Variants in CORO1C observed in about 807,000 individuals in gnomAD.
CORO1C encodes the protein coronin 1C, also known as coronin-1C.
A neutral mutation model predicts 51.2 loss-of-function variants in CORO1C; 14 were observed. The observed-to-expected ratio is 0.27, with a 90% CI of 0.18 to 0.43. The LOEUF is 0.43. Among genes scored for constraint, CORO1C ranks in the 20% least tolerant of loss-of-function variants. The pLI, the probability that CORO1C is intolerant of heterozygous loss-of-function variation, is 1.00. For missense variants in CORO1C, 417 were observed against 607.8 expected (o/e 0.69, Z 3.30); for synonymous variants, 181 against 210.5 (o/e 0.86, Z 1.21).
chr12:108,686,465 G>A (rs2034299711), intron 2 of CORO1C, among the ~76,000 whole-genome samples: 1 of 152,196 alleles, frequency 6.6e-6, no homozygotes, highest in Non-Finnish European at 1.5e-5. Context: ...TTTACTAACA[G>A]ATCAGTCCAC....
chr12:108,674,233 T>C (rs1292948773), intron 3 of CORO1C, among the ~76,000 whole-genome samples: 1 of 152,222 alleles, frequency 6.6e-6, no homozygotes, highest in Middle Eastern at 3.2e-3. Flanking sequence ...CTACCACTGA[T>C]AGTGATTCCC....
chr12:108,649,065 A>T (rs1343049846), intron 8 of CORO1C, 45 bp from the exon 9 acceptor site: 1 of 1,594,382 alleles, frequency 6.3e-7, no homozygotes, highest in Non-Finnish European at 8.6e-7. Flanking sequence ...GTGAAATATG[A>T]GGCTGACTAA....
At chr12:108,682,243 T>A (rs1191367624) in intron 2 of CORO1C, among the ~76,000 whole-genome samples, 2 of 152,212 alleles carry the variant, frequency 1.3e-5, no homozygotes, top group Non-Finnish European at 2.9e-5. Flanking sequence ...AAACCAACTA[T>A]AAATCATGAT....
intron 8 of CORO1C, chr12:108,652,055 C>CTTTTT (rs202228272): frequency 0.13 from 18,140 of 142,184 alleles, 2,061 homozygotes; most frequent in African/African-American, 0.3. Flanking sequence ...TTTTTCTTTT[C>CTTTTT]TTTTTTTTTT....
intron 1 of CORO1C, among the ~76,000 whole-genome samples, chr12:108,726,572 G>A (rs1349920652): frequency 1.3e-5 from 2 of 151,628 alleles, no homozygotes; most frequent in Non-Finnish European, 2.9e-5. Flanking sequence ...CACTTTCGGA[G>A]GCTAAGGTAG....
chr12:108,697,721 C>T (rs561619934), intron 2 of CORO1C, among the ~76,000 whole-genome samples: 2 of 152,248 alleles, frequency 1.3e-5, no homozygotes, highest in East Asian at 3.9e-4. Flanking sequence ...GAGACAAACA[C>T]CTCAGTACCA....
chr12:108,700,292 T>C (rs2034826276), intron 2 of CORO1C, among the ~76,000 whole-genome samples: 1 of 152,190 alleles, frequency 6.6e-6, no homozygotes, highest in Non-Finnish European at 1.5e-5. Context: ...AAAAGCTAAC[T>C]AGAAAACAAC....
chr12:108,721,226 CT>C (rs1196123693), intron 1 of CORO1C, among the ~76,000 whole-genome samples: 2 of 152,244 alleles, frequency 1.3e-5, no homozygotes, highest in African/African-American at 4.8e-5. Context: ...ACATTTTACT[CT>C]AACATATTGT....
intron 2 of CORO1C, among the ~76,000 whole-genome samples, chr12:108,698,648 C>A (rs1211395693): frequency 6.6e-6 from 1 of 152,212 alleles, no homozygotes; most frequent in Non-Finnish European, 1.5e-5. Flanking sequence ...CTCAGGTGAT[C>A]CGCCCGCCTC....
chr12:108,661,910 G>T (rs764487148), intron 4 of CORO1C, 119 bp downstream of exon 4: 17 of 1,127,072 alleles, frequency 1.5e-5, no homozygotes, highest in Non-Finnish European at 2.2e-5. Flanking sequence ...CTTCACCATG[G>T]TTTCCTAATA....
chr12:108,715,289 G>A (rs1393951888), intron 1 of CORO1C, among the ~76,000 whole-genome samples: 1 of 151,998 alleles, frequency 6.6e-6, no homozygotes, highest in African/African-American at 2.4e-5. Context: ...TCTTATTAAA[G>A]AGAGACCCTT....
intron 1 of CORO1C, among the ~76,000 whole-genome samples, chr12:108,713,376 T>G (rs1236029876): frequency 6.6e-6 from 1 of 152,192 alleles, no homozygotes; most frequent in Non-Finnish European, 1.5e-5. Context: ...TGGTAAAAAT[T>G]AAGGGAAAAA....
At chr12:108,656,196 C>G (rs2032983672) in intron 6 of CORO1C, among the ~76,000 whole-genome samples, 1 of 151,060 alleles carries the variant, frequency 6.6e-6, no homozygotes, top group Non-Finnish European at 1.5e-5. Flanking sequence ...GCCGCCCCGT[C>G]TGAGAAGTGA....
chr12:108,721,405 C>G (rs1307682612), intron 1 of CORO1C, among the ~76,000 whole-genome samples: 1 of 152,198 alleles, frequency 6.6e-6, no homozygotes, highest in African/African-American at 2.4e-5. Context: ...GACTCTCCAA[C>G]GCCTGTCTCC....
At chr12:108,714,756 CAAAA>C (rs1039580600) in intron 1 of CORO1C, among the ~76,000 whole-genome samples, 1 of 150,028 alleles carries the variant, frequency 6.7e-6, no homozygotes, top group Non-Finnish European at 1.5e-5. Context: ...CAGTGATACC[CAAAA>C]AAAATAAAAA....
chr12:108,705,201 G>A (rs1194388953), intron 1 of CORO1C, among the ~76,000 whole-genome samples: 7 of 152,010 alleles, frequency 4.6e-5, no homozygotes, highest in African/African-American at 7.3e-5. Flanking sequence ...AATGTAGGCC[G>A]GGCATGGTGG....
chr12:108,658,815 T>C lies in CORO1C; in HGVS notation c.553A>G (p.Asn185Asp), dbSNP rs2033134073. The change falls in exon 5 of 11, where the codon AAT (asparagine) becomes GAT (aspartate). Residue 185 changes from asparagine (N) to aspartate (D), a missense_variant. Transcript: ENST00000261401. The surrounding 1 kb of genome is among the most constrained non-coding windows in gnomAD (Gnocchi z 4.9). ...DMIYNVSWNR[N>D]GSLICTASKD... ...GAAGCTGTGCAGATCAGACTGCCAT[T>C]CCGGTTCCAGCTCACATTGTAAATC... is the stretch of plus-strand genomic sequence containing the variant. 6.2e-7 allele frequency: 1 copy of C among 1,613,914 alleles called. No homozygotes were observed. Among genetic ancestry groups the C allele is most frequent in the Middle Eastern group, 1.6e-4 (1 of 6,062 alleles).
chr12:108,679,468 A>G (rs1239410917), intron 2 of CORO1C, among the ~76,000 whole-genome samples: 1 of 152,258 alleles, frequency 6.6e-6, no homozygotes, highest in Non-Finnish European at 1.5e-5. Context: ...ATTGTTAACA[A>G]TGGGTATATG....
chr12:108,695,834 A>G (rs2034655679), intron 2 of CORO1C, among the ~76,000 whole-genome samples: 2 of 143,294 alleles, frequency 1.4e-5, no homozygotes, highest in African/African-American at 5.4e-5. Flanking sequence ...CTGGCTATGT[A>G]TCACCCTTGG....
Sources: allele counts gnomAD v4.1 joint callset (sites outside exome capture counted in the v4.1 genomes callset), GRCh38; gene constraint gnomAD v4.1.1; non-coding constraint Gnocchi (gnomAD v3.1); transcripts MANE v1.5; gene names NCBI Gene and HGNC (gene_info 2026-07-23, HGNC 2026-07-21).